NALCN: variants seen among roughly 807,000 people sequenced by gnomAD.
The protein encoded by NALCN is sodium leak channel NALCN.
In NALCN, 111 loss-of-function variants were observed where a neutral mutation model predicts 225.3. The observed-to-expected ratio is 0.49, with a 90% CI of 0.42 to 0.58. NALCN has a LOEUF of 0.58. Among genes scored for constraint, NALCN ranks in the 20% least tolerant of loss-of-function variants. The pLI, the probability that NALCN is intolerant of heterozygous loss-of-function variation, is 0.00. For synonymous variants in NALCN, 764 were observed against 769.0 expected, an observed-to-expected ratio of 0.99 and a Z score of 0.11; for missense variants, 1,378 against 2,202.4, an observed-to-expected ratio of 0.63 and a Z score of 7.49.
intron 6 of NALCN, chr13:101,369,010 A>C (rs1405319817): frequency 5.4e-6 from 2 of 368,756 alleles, no homozygotes; most frequent in Non-Finnish European, 1.1e-5. Context: ...TGTCTCAAAA[A>C]AACAACAACA....
intron 37 of NALCN, among the ~76,000 whole-genome samples, chr13:101,070,612 C>T (rs1217527738): frequency 1.3e-5 from 2 of 152,174 alleles, no homozygotes; most frequent in Non-Finnish European, 2.9e-5. Context: ...TCTTGGGTGA[C>T]CAGGTAGATG....
chr13:101,274,023 A>G (rs1170809203), intron 10 of NALCN, among the ~76,000 whole-genome samples: 2 of 152,196 alleles, frequency 1.3e-5, no homozygotes, highest in Middle Eastern at 3.2e-3. Flanking sequence ...TAAAAGCCTG[A>G]TAACATCAAG....
chr13:101,203,320 A>T (rs2040197328), intron 13 of NALCN, among the ~76,000 whole-genome samples: 1 of 152,104 alleles, frequency 6.6e-6, no homozygotes, highest in Non-Finnish European at 1.5e-5. Context: ...GGTTCAAACG[A>T]TTCTCCTGCC....
intron 11 of NALCN, among the ~76,000 whole-genome samples, chr13:101,255,201 C>A (rs2042190854): frequency 1.3e-5 from 2 of 152,164 alleles, no homozygotes; most frequent in Admixed American, 6.5e-5. Context: ...CCAACTACCC[C>A]TGGACTCTAC....
rs2044381333 is a variant in NALCN at position 101,312,439 on chromosome 13, T to A, written c.800-20073A>T. On this transcript the variant is annotated intron_variant, in intron 7 of 43. Transcript: ENST00000251127. ...GTTTGCTCTTGCTTTTCTAGTTCTT[T>A]TAATTGTGATGTTAGGGTGTCAATT... 2.0e-5 allele frequency among the ~76,000 whole-genome samples: 3 copies of A among 152,086 alleles called. No individual in the cohort carries two copies. In the South Asian group the frequency reaches 6.2e-4, roughly 32 times the overall value.
intron 17 of NALCN, among the ~76,000 whole-genome samples, chr13:101,135,733 C>T (rs2036752126): frequency 6.6e-6 from 1 of 152,092 alleles, no homozygotes; most frequent in Admixed American, 6.5e-5. Context: ...GGACTCAACA[C>T]CATCATCAGC....
intron 19 of NALCN, 36 bp downstream of exon 19, chr13:101,111,089 T>C (rs1366692989): frequency 1.3e-6 from 2 of 1,579,674 alleles, no homozygotes; most frequent in East Asian, 2.3e-5. Context: ...CCCCCTTTTT[T>C]AGAGTCTCTG....
rs147088692 is a variant in NALCN at position 101,279,056 on chromosome 13, A to G, written c.1134+4877T>C. ...CTAAAGCACAGTTGCAGAAGTGACC[A>G]TGACTGGTATGGTCTCTAAAGTAAT... is the stretch of plus-strand genomic sequence containing the variant. On this transcript the variant is annotated intron_variant, in intron 10 of 43. Transcript: ENST00000251127. Among the ~76,000 whole-genome samples, 685 of 152,342 alleles carry G rather than the reference A, an allele frequency of 4.5e-3. 7 individuals carry two copies. The highest frequency in any genetic ancestry group is 0.016 in the African/African-American group (660 of 41,572).
At chr13:101,113,944 G>A (rs986312222) in intron 18 of NALCN, among the ~76,000 whole-genome samples, 4 of 152,128 alleles carry the variant, frequency 2.6e-5, no homozygotes, top group Non-Finnish European at 5.9e-5. Context: ...CATGCTGCCT[G>A]ATGAACAGAA....
intron 10 of NALCN, among the ~76,000 whole-genome samples, chr13:101,279,134 T>C (rs751979992): frequency 1.4e-4 from 22 of 152,226 alleles, no homozygotes; most frequent in Non-Finnish European, 2.5e-4. Flanking sequence ...ATATCCTTAA[T>C]TTATTTTATT....
chr13:101,185,163 A>C (rs1203469346), intron 14 of NALCN, among the ~76,000 whole-genome samples: 1 of 152,202 alleles, frequency 6.6e-6, no homozygotes, highest in Non-Finnish European at 1.5e-5. Context: ...CAAAAAGTCA[A>C]ATGTAATCAG....
chr13:101,217,148 G>GA (rs138378489), intron 13 of NALCN, among the ~76,000 whole-genome samples: 5,925 of 143,160 alleles, frequency 0.041, 374 homozygotes, highest in African/African-American at 0.14. Context: ...ATAATAAATG[G>GA]AGGAAAAACT....
chr13:101,104,095 A>T lies in NALCN; in HGVS notation c.2889+200T>A, dbSNP rs1340200038. ...GTATTTGAACAATATAACTATCCAT[A>T]GATATTTATGATGCTCTTAATTTAG... On this transcript the variant is annotated intron_variant, in intron 25 of 43. Coordinates refer to ENST00000251127, the MANE Select transcript of NALCN (RefSeq NM_052867.4). The surrounding 1 kb of genome is among the most constrained non-coding windows in gnomAD (Gnocchi z 4.2). Among the ~76,000 whole-genome samples the T allele has an allele frequency of 6.6e-6, 1 of 152,214 alleles. No individual in the cohort carries two copies. Among genetic ancestry groups the T allele is most frequent in the Non-Finnish European group, 1.5e-5 (1 of 68,048 alleles).
upstream of NALCN, among the ~76,000 whole-genome samples, chr13:101,416,721 C>T (rs146560562): frequency 3.6e-3 from 550 of 152,206 alleles, 5 homozygotes; most frequent in African/African-American, 0.013. Flanking sequence ...GGCTGCCACC[C>T]GCAGTCAGTC....
chr13:101,258,497 G>C lies in NALCN; in HGVS notation c.1212C>G (p.Asn404Lys). 1 of 1,614,178 alleles carries C rather than the reference G, an allele frequency of 6.2e-7. No homozygotes were observed. Among genetic ancestry groups the C allele is most frequent in the Non-Finnish European group, 8.5e-7 (1 of 1,180,030 alleles). ...VTVDVIVAASNYYKGENFRRQ... is the reference protein window; with the variant it reads ...VTVDVIVAASKYYKGENFRRQ... Reference sequence around the variant, plus strand: ...TCCTGAAGTTTTCTCCTTTGTAGTAGTTGCTAGCCGCCACGATCACGTCCA... The same window carrying C: ...TCCTGAAGTTTTCTCCTTTGTAGTACTTGCTAGCCGCCACGATCACGTCCA... The change falls in exon 11 of 44, where the codon AAC (asparagine) becomes AAG (lysine). Residue 404 changes from asparagine (N) to lysine (K), a missense_variant. This residue lies in a region of NALCN where 144 missense variants were observed against 187.7 expected (regional missense o/e 0.77). Coordinates refer to ENST00000251127, the MANE Select transcript of NALCN (RefSeq NM_052867.4).
chr13:101,402,025 C>A (rs2047491873), intron 1 of NALCN, among the ~76,000 whole-genome samples: 1 of 152,140 alleles, frequency 6.6e-6, no homozygotes, highest in African/African-American at 2.4e-5. Context: ...AATAAAACTG[C>A]ATACAGCAGA....
chr13:101,221,411 T>A (rs557223099), intron 13 of NALCN, among the ~76,000 whole-genome samples: 1 of 152,244 alleles, frequency 6.6e-6, no homozygotes, highest in African/African-American at 2.4e-5. Context: ...GCCCTGCACC[T>A]GGCCAAAGAC....
intron 7 of NALCN, among the ~76,000 whole-genome samples, chr13:101,342,940 T>C (rs2045603487): frequency 6.6e-6 from 1 of 152,198 alleles, no homozygotes; most frequent in Admixed American, 6.5e-5. Flanking sequence ...TTGAAATTCA[T>C]GTTTTGAATG....
At chr13:101,255,011 T>C (rs998193178) in intron 11 of NALCN, among the ~76,000 whole-genome samples, 1 of 152,056 alleles carries the variant, frequency 6.6e-6, no homozygotes, top group Non-Finnish European at 1.5e-5. Context: ...ATCAATGCCA[T>C]TGACATATCC....
Sources: allele counts gnomAD v4.1 joint callset (sites outside exome capture counted in the v4.1 genomes callset), GRCh38; gene constraint gnomAD v4.1.1; regional missense constraint gnomAD v4.1.1; non-coding constraint Gnocchi (gnomAD v3.1); transcripts MANE v1.5; gene names NCBI Gene and HGNC (gene_info 2026-07-23, HGNC 2026-07-21).